Variants in CENPW observed in about 807,000 individuals in gnomAD.
The protein encoded by CENPW is cancer-up-regulated gene 2 protein.
CENPW carries 3 observed loss-of-function variants against 11.1 expected under a neutral mutation model. That is an observed-to-expected ratio of 0.27 (90% CI 0.12 to 0.70). CENPW has a LOEUF of 0.70. Among genes scored for constraint, CENPW ranks in the 30% least tolerant of loss-of-function variants. The probability of loss-of-function intolerance (pLI) is 0.77; values close to 1 mark genes in which losing one functional copy is unlikely to be tolerated. For synonymous variants in CENPW, 38 were observed against 42.0 expected, an observed-to-expected ratio of 0.91 and a Z score of 0.37; for missense variants, 100 against 105.6, an observed-to-expected ratio of 0.95 and a Z score of 0.23.
At chr6:126,427,799 G>A in the CENPW span, among the ~76,000 whole-genome samples, 1 of 152,154 alleles carries the variant, frequency 6.6e-6, no homozygotes, top group African/African-American at 2.4e-5. Flanking sequence ...CATAGTGAGT[G>A]TTAGGAACAC....
At chr6:126,384,814 C>G in the CENPW span, among the ~76,000 whole-genome samples, 4 of 152,000 alleles carry the variant, frequency 2.6e-5, no homozygotes, top group Non-Finnish European at 5.9e-5. Context: ...AAGAAACTAT[C>G]AATAGAGTAA....
At chr6:126,453,000 TAAAG>T in the CENPW span, among the ~76,000 whole-genome samples, 2 of 151,120 alleles carry the variant, frequency 1.3e-5, no homozygotes, top group African/African-American at 4.8e-5. Context: ...TAAAAGAAAG[TAAAG>T]AAAATTATTG....
At chr6:126,368,808 C>G in the CENPW span, among the ~76,000 whole-genome samples, 1 of 152,026 alleles carries the variant, frequency 6.6e-6, no homozygotes, top group Admixed American at 6.6e-5. Context: ...CCATGCCTGG[C>G]TAATTTTTTG....
chr6:126,386,184 A>T, the CENPW span, among the ~76,000 whole-genome samples: 4 of 152,066 alleles, frequency 2.6e-5, no homozygotes, highest in Admixed American at 1.3e-4. Context: ...GCCTTCTGTC[A>T]TTTGACAGTA....
At chr6:126,364,352 G>T in the CENPW span, among the ~76,000 whole-genome samples, 17 of 152,230 alleles carry the variant, frequency 1.1e-4, no homozygotes, top group East Asian at 3.1e-3. Context: ...CATAATTTAG[G>T]CTCTCTTAAA....
intron 1 of CENPW, among the ~76,000 whole-genome samples, chr6:126,343,596 C>T (rs532457868): frequency 3.9e-5 from 6 of 152,126 alleles, no homozygotes; most frequent in Non-Finnish European, 7.3e-5. Flanking sequence ...AGTCTGTGGT[C>T]GAAGGCCCTA....
the CENPW span, among the ~76,000 whole-genome samples, chr6:126,430,278 T>C: frequency 6.6e-6 from 1 of 152,206 alleles, no homozygotes; most frequent in Non-Finnish European, 1.5e-5. Flanking sequence ...AAGGGAAATA[T>C]AAGTAAAACA....
At chr6:126,387,801 T>G in the CENPW span, among the ~76,000 whole-genome samples, 1 of 151,964 alleles carries the variant, frequency 6.6e-6, no homozygotes, top group Admixed American at 6.6e-5. Flanking sequence ...AATGATAGTT[T>G]GTATATAGGC....
chr6:126,432,734 T>G, the CENPW span, among the ~76,000 whole-genome samples: 1 of 152,172 alleles, frequency 6.6e-6, no homozygotes, highest in South Asian at 2.1e-4. Context: ...TCTGTCTGGC[T>G]TGCCTGTATC....
chr6:126,356,671 A>T, the CENPW span, among the ~76,000 whole-genome samples: 3 of 151,854 alleles, frequency 2.0e-5, no homozygotes, highest in Non-Finnish European at 4.4e-5. Flanking sequence ...TTTGATTTGC[A>T]TTTCTTTGAT....
At chr6:126,456,616 G>A in the CENPW span, among the ~76,000 whole-genome samples, 2 of 151,404 alleles carry the variant, frequency 1.3e-5, no homozygotes, top group Admixed American at 6.6e-5. Flanking sequence ...GATAACCTAG[G>A]AAATACCATT....
chr6:126,427,111 C>T, the CENPW span, among the ~76,000 whole-genome samples: 2 of 152,034 alleles, frequency 1.3e-5, no homozygotes, highest in African/African-American at 2.4e-5. Context: ...AGTGAGGGTT[C>T]CTGTGTGGCA....
chr6:126,456,362 G>A, the CENPW span, among the ~76,000 whole-genome samples: 4 of 151,154 alleles, frequency 2.6e-5, no homozygotes, highest in Non-Finnish European at 5.9e-5. Flanking sequence ...AGACACATAG[G>A]CCAATGGAAC....
the CENPW span, among the ~76,000 whole-genome samples, chr6:126,480,763 T>G: frequency 2.0e-5 from 3 of 151,990 alleles, no homozygotes; most frequent in African/African-American, 7.2e-5. Context: ...ATATTATAAT[T>G]TTCTTGGACT....
the CENPW span, among the ~76,000 whole-genome samples, chr6:126,480,244 G>A: frequency 6.6e-6 from 1 of 151,968 alleles, no homozygotes. Context: ...AGAGGGTCAA[G>A]GAAAGGGTTA....
chr6:126,382,727 TAA>T, the CENPW span, among the ~76,000 whole-genome samples: 1 of 151,888 alleles, frequency 6.6e-6, no homozygotes, highest in South Asian at 2.1e-4. Context: ...ATAAGATAGT[TAA>T]CAAGAATAAA....
At chr6:126,419,772 T>C in the CENPW span, among the ~76,000 whole-genome samples, 1 of 152,154 alleles carries the variant, frequency 6.6e-6, no homozygotes, top group African/African-American at 2.4e-5. Flanking sequence ...TGGCTTGTGG[T>C]CTCTTTCTTC....
At chr6:126,476,232 T>C in the CENPW span, among the ~76,000 whole-genome samples, 1 of 152,010 alleles carries the variant, frequency 6.6e-6, no homozygotes, top group Non-Finnish European at 1.5e-5. Flanking sequence ...GTTTTGTGTG[T>C]TGTGGTCAGT....
chr6:126,476,025 C>T, the CENPW span, among the ~76,000 whole-genome samples: 1 of 151,508 alleles, frequency 6.6e-6, no homozygotes, highest in East Asian at 1.9e-4. Flanking sequence ...AACTCAAATC[C>T]CTGACTCTAA....
Sources: gnomAD v4.1 joint callset for allele counts (sites outside exome capture counted in the v4.1 genomes callset) on GRCh38, gnomAD v4.1.1 for gene constraint, MANE v1.5 for transcripts, NCBI Gene and HGNC (gene_info 2026-07-23, HGNC 2026-07-21) for gene names.